SI: variants seen among roughly 807,000 people sequenced by gnomAD.
SI encodes the protein sucrase-isomaltase, intestinal.
SI carries 235 observed loss-of-function variants against 253.3 expected under a neutral mutation model. The ratio of observed to expected loss-of-function variants is 0.93; its 90% CI spans 0.83 to 1.03. The LOEUF (loss-of-function observed/expected upper bound fraction) is 1.03, where lower values mean the gene tolerates loss of function less well. Ranked by LOEUF, SI falls within the 50% of genes least tolerant of loss-of-function variation. SI has a pLI of 0.00. For synonymous variants in SI, 819 were observed against 712.0 expected (o/e 1.15, Z -2.39); for missense variants, 2,442 against 2,211.1 (o/e 1.10, Z -2.09).
At chr3:165,086,305 A>G in the SI span, among the ~76,000 whole-genome samples, 2 of 152,128 alleles carry the variant, frequency 1.3e-5, no homozygotes, top group Non-Finnish European at 2.9e-5. Flanking sequence ...CATGTCACCC[A>G]TAATACATGA....
chr3:165,084,798 G>A, the SI span, among the ~76,000 whole-genome samples: 1 of 151,922 alleles, frequency 6.6e-6, no homozygotes, highest in East Asian at 1.9e-4. Context: ...GAGACAATAA[G>A]AAATTTAAAC....
intron 46 of SI, 102 bp downstream of exon 46, chr3:164,982,900 G>A (rs1161866536): frequency 6.2e-6 from 7 of 1,136,102 alleles, no homozygotes; most frequent in South Asian, 1.3e-5. Context: ...ATCCTCCCAT[G>A]TCAGCCTCCC....
At chr3:165,027,209 A>T (rs1016239271) in intron 25 of SI, among the ~76,000 whole-genome samples, 3 of 151,318 alleles carry the variant, frequency 2.0e-5, no homozygotes, top group African/African-American at 7.3e-5. Flanking sequence ...AAATTAGATG[A>T]CCTAGAAGAG....
intron 7 of SI, among the ~76,000 whole-genome samples, chr3:165,064,833 A>C (rs1485726317): frequency 6.6e-6 from 1 of 152,130 alleles, no homozygotes; most frequent in African/African-American, 2.4e-5. Context: ...ACGGAAAATG[A>C]CTATATATTA....
intron 37 of SI, among the ~76,000 whole-genome samples, chr3:165,005,925 C>G (rs971298438): frequency 2.6e-5 from 4 of 151,924 alleles, no homozygotes; most frequent in Non-Finnish European, 5.9e-5. Context: ...AGATTTCAAT[C>G]ACTGCAAAAC....
At chr3:164,984,007 G>T (rs889282684) in intron 45 of SI, among the ~76,000 whole-genome samples, 3 of 152,104 alleles carry the variant, frequency 2.0e-5, no homozygotes, top group East Asian at 1.9e-4. Context: ...TACTCTAAAA[G>T]ATATTTTATT....
intron 2 of SI, 61 bp downstream of exon 2, chr3:165,075,834 T>C: frequency 1.0e-6 from 1 of 981,564 alleles, no homozygotes; most frequent in Non-Finnish European, 1.6e-6. Context: ...CTATAACTAT[T>C]GTGGAGTAAC....
intron 32 of SI, 137 bp from the exon 33 acceptor site, chr3:165,015,370 C>T (rs1021600787): frequency 1.4e-5 from 10 of 692,090 alleles, no homozygotes; most frequent in Non-Finnish European, 2.6e-5. Context: ...ATGATACAAA[C>T]ATCAGTGTTC....
At position 165,021,321 on chromosome 3, in the gene SI, T is replaced by C. The variant is rs961027140; in HGVS notation, c.3162A>G (p.Pro1054=). The change falls in exon 27 of 48, where the codon CCA becomes CCG. Residue 1054 remains proline, a synonymous_variant. Transcript: ENST00000264382. ...VPVPLNIPTT[P]ISTYEDRLYD... is the part of the protein sequence containing the mutation. ...AAAGTCTGTCTTCATAAGTACTTAT[T>C]GGGGTGGTTGGAATGTTTAACGGTA... 3.1e-6 allele frequency: 5 copies of C among 1,610,884 alleles called. No homozygotes were observed. Among genetic ancestry groups the C allele is most frequent in the Non-Finnish European group, 4.2e-6 (5 of 1,177,732 alleles).
intron 1 of SI, among the ~76,000 whole-genome samples, chr3:165,076,639 C>G (rs1441262431): frequency 1.3e-5 from 2 of 151,488 alleles, no homozygotes; most frequent in East Asian, 3.9e-4. Flanking sequence ...TGAATTTTCA[C>G]CAAGTTCCTT....
At chr3:165,073,896 C>T (rs1479799704) in intron 3 of SI, among the ~76,000 whole-genome samples, 3 of 152,034 alleles carry the variant, frequency 2.0e-5, no homozygotes, top group African/African-American at 7.2e-5. Flanking sequence ...ATTTGAACAT[C>T]TGCAGATTTT....
In SI at chr3:164,992,341, G is replaced by A; in HGVS notation, c.4898C>T (p.Ala1633Val). Residue 1633 changes from alanine (A) to valine (V), a missense_variant, in exon 42 of 48, where the codon GCA (alanine) becomes GTA (valine). Physicochemically the swap from Ala to Val is moderately conservative, Grantham distance 64. Coordinates refer to ENST00000264382, the MANE Select transcript of SI (RefSeq NM_001041.4). ...TTCCAGTACTGGGGTAACCATAAAT[G>A]CTGGACCCCATAAGAACTGCTTGAA... ...DIFKQFLWGP[A>V]FMVTPVLEPY... 6.2e-7 allele frequency: 1 copy of A among 1,613,310 alleles called. No individual in the cohort carries two copies. The highest frequency in any genetic ancestry group is 1.7e-5 in the Admixed American group (1 of 59,946).
At chr3:165,056,657 C>T (rs1713707799) in intron 12 of SI, among the ~76,000 whole-genome samples, 1 of 152,088 alleles carries the variant, frequency 6.6e-6, no homozygotes, top group East Asian at 1.9e-4. Flanking sequence ...TATTGGCCTG[C>T]CACAGCAGAA....
intron 24 of SI, 32 bp from the exon 25 acceptor site, chr3:165,030,899 G>GAAAAAAAAAAAAAAAAAAAAAAAAAAA: frequency 8.9e-7 from 1 of 1,127,402 alleles, no homozygotes; most frequent in Non-Finnish European, 1.2e-6. Context: ...AAGAAAAAAA[G>GAAAAAAAAAAAAAAAAAAAAAAAAAAA]AAAAAAAAAA....
At chr3:165,037,866 A>T in intron 21 of SI, 34 bp downstream of exon 21, 1 of 1,402,084 alleles carries the variant, frequency 7.1e-7, no homozygotes, top group South Asian at 1.2e-5. Context: ...TTTGAATTTT[A>T]TTTTAGATTT....
chr3:165,032,930 C>G (rs1231747239), intron 23 of SI, among the ~76,000 whole-genome samples: 3 of 151,328 alleles, frequency 2.0e-5, no homozygotes, highest in Non-Finnish European at 4.4e-5. Context: ...CACATATATA[C>G]TCATTCTAGT....
chr3:165,080,914 T>G (rs926900197), upstream of SI, among the ~76,000 whole-genome samples: 1 of 151,448 alleles, frequency 6.6e-6, no homozygotes, highest in African/African-American at 2.4e-5. Flanking sequence ...AAAAAGAAAG[T>G]CTTAAAGAAA....
At position 165,032,555 on chromosome 3, in the gene SI, A is replaced by G; in HGVS notation, c.2703T>C (p.Ala901=). ...AAGCATCATAAGTGAAATTGGAATG[A>G]GCGTTCATTGGTTGATTATTTTCCG... The part of the protein sequence containing the change: ...RVAENNQPMN[A]HSNFTYDASN... The change falls in exon 24 of 48, where the codon GCT becomes GCC. Residue 901 remains alanine (A), a synonymous_variant. Transcript: ENST00000264382. The G allele has an allele frequency of 6.2e-7, 1 of 1,608,888 alleles. No homozygotes were observed. The highest frequency in any genetic ancestry group is 8.5e-7 in the Non-Finnish European group (1 of 1,176,664).
intron 24 of SI, among the ~76,000 whole-genome samples, chr3:165,032,273 G>T (rs1712288156): frequency 6.6e-6 from 1 of 150,994 alleles, no homozygotes; most frequent in Non-Finnish European, 1.5e-5. Context: ...GAATGCATGA[G>T]AAAATGAAAT....
Sources: gnomAD v4.1 joint callset for allele counts (sites outside exome capture counted in the v4.1 genomes callset) on GRCh38, gnomAD v4.1.1 for gene constraint, MANE v1.5 for transcripts, NCBI Gene and HGNC (gene_info 2026-07-23, HGNC 2026-07-21) for gene names.